KLHL41: variants seen among roughly 807,000 people sequenced by gnomAD.
KLHL41 encodes the protein kelch like family member 41, also known as kelch-like protein 41.
In KLHL41, 31 loss-of-function variants were observed where a neutral mutation model predicts 49.2. The observed-to-expected ratio is 0.63, with a 90% CI of 0.47 to 0.85. KLHL41 has a LOEUF of 0.85. Among genes scored for constraint, KLHL41 ranks in the 40% least tolerant of loss-of-function variants. KLHL41 has a pLI of 0.00. For synonymous variants in KLHL41, 218 were observed against 258.5 expected, an observed-to-expected ratio of 0.84 and a Z score of 1.50; for missense variants, 663 against 726.7, an observed-to-expected ratio of 0.91 and a Z score of 1.01.
At chr2:169,518,878 C>G (rs1200053611) in intron 4 of KLHL41, among the ~76,000 whole-genome samples, 1 of 152,076 alleles carries the variant, frequency 6.6e-6, no homozygotes, top group African/African-American at 2.4e-5. Flanking sequence ...CAGGGTCTCA[C>G]TATGTTGTCC....
intron 5 of KLHL41, among the ~76,000 whole-genome samples, chr2:169,523,652 CAT>C (rs1244588467): frequency 6.6e-6 from 1 of 152,160 alleles, no homozygotes; most frequent in Non-Finnish European, 1.5e-5. Context: ...AGGACCTAGG[CAT>C]CAGTATCTTT....
Position 169,525,915 on chromosome 2 carries a change from A to AGTT in KLHL41, c.*221_*223dup. The AGTT allele has an allele frequency of 2.9e-6, 1 of 347,540 alleles. No homozygotes were observed. Among genetic ancestry groups the AGTT allele is most frequent in the Non-Finnish European group, 5.2e-6 (1 of 194,028 alleles). The allele number at this position is 347,540 out of a possible 1,614,324, so 21.5% of individuals were successfully genotyped here. On this transcript the variant is annotated 3_prime_UTR_variant, in exon 6 of 6. Coordinates refer to ENST00000284669, the MANE Select transcript of KLHL41 (RefSeq NM_006063.3). Reference sequence around the variant, plus strand: ...TTTTCTAATAATAAATTAAATCTTCAGTTGAACAAATTATTTTGTGAATCT... The same window carrying AGTT: ...TTTTCTAATAATAAATTAAATCTTCAGTTGTTGAACAAATTATTTTGTGAATCT...
In KLHL41 at chr2:169,510,452, G is replaced by A. The variant is rs374653463; in HGVS notation, c.674G>A (p.Arg225His). 6 of 1,613,866 alleles carry A rather than the reference G, an allele frequency of 3.7e-6. No homozygotes were observed. Among genetic ancestry groups the A allele is most frequent in the East Asian group, 2.2e-5 (1 of 44,898 alleles). ...LSEVFDCIRF[R>H]LMTEKYFKDH... is the part of the protein sequence containing the mutation. ...GAAGTGTTTGATTGTATCCGTTTTC[G>A]CCTTATGACAGAAAAATATTTTAAG... Residue 225 changes from arginine to histidine, a missense_variant, in exon 1 of 6, where the codon CGC becomes CAC. Arg to His is a conservative substitution (Grantham distance 29). Around this residue, in one of 3 missense-constraint regions of KLHL41, gnomAD observed 528 missense variants for 581.0 expected, o/e 0.91. Transcript: ENST00000284669. The surrounding 1 kb of genome is among the most constrained non-coding windows in gnomAD (Gnocchi z 4.2).
intron 5 of KLHL41, among the ~76,000 whole-genome samples, chr2:169,524,866 C>T (rs1684278016): frequency 6.6e-6 from 1 of 151,954 alleles, no homozygotes; most frequent in South Asian, 2.1e-4. Flanking sequence ...AAAGAGAAAG[C>T]AACAAACTGT....
Position 169,510,896 on chromosome 2 carries a change from G to A in KLHL41, c.1110+8G>A, listed in dbSNP as rs1364687564. 6.2e-7 allele frequency: 1 copy of A among 1,607,730 alleles called. No homozygotes were observed. The highest frequency in any genetic ancestry group is 8.5e-7 in the Non-Finnish European group (1 of 1,176,374). On this transcript the variant is annotated splice_region_variant and intron_variant, in intron 1 of 5. Coordinates refer to ENST00000284669, the MANE Select transcript of KLHL41 (RefSeq NM_006063.3). The surrounding 1 kb of genome is among the most constrained non-coding windows in gnomAD (Gnocchi z 4.2). ...CAGTCATACTTCTTCCAGGTAAGAA[G>A]GACTTTTTGTATATGTAGTTGCTTA...
At chr2:169,524,901 CAG>C (rs1198112731) in intron 5 of KLHL41, among the ~76,000 whole-genome samples, 1 of 152,028 alleles carries the variant, frequency 6.6e-6, no homozygotes, top group Non-Finnish European at 1.5e-5. Context: ...AGAAAGGTTT[CAG>C]AGAGAAGGCG....
At chr2:169,521,307 A>G (rs1644048901) in intron 5 of KLHL41, among the ~76,000 whole-genome samples, 1 of 152,238 alleles carries the variant, frequency 6.6e-6, no homozygotes, top group Non-Finnish European at 1.5e-5. Context: ...ATAATGCTAT[A>G]GGCATCCAGT....
chr2:169,524,485 C>T (rs1684266817), intron 5 of KLHL41, among the ~76,000 whole-genome samples: 1 of 149,122 alleles, frequency 6.7e-6, no homozygotes, highest in South Asian at 2.1e-4. Flanking sequence ...GCAACCTCCG[C>T]CTCCCGGGTT....
At chr2:169,521,454 C>T (rs981111826) in intron 5 of KLHL41, among the ~76,000 whole-genome samples, 2 of 151,800 alleles carry the variant, frequency 1.3e-5, no homozygotes, top group East Asian at 1.9e-4. Context: ...AGTACAATGG[C>T]GGGATCTCAG....
At chr2:169,511,066 T>A (rs779433733) in intron 1 of KLHL41, among the ~76,000 whole-genome samples, 178 bp downstream of exon 1, 1 of 152,216 alleles carries the variant, frequency 6.6e-6, no homozygotes, top group Non-Finnish European at 1.5e-5. Context: ...ACTGCTTTGT[T>A]AATGTGTAAT....
At chr2:169,512,050 T>C (rs1370074376) in intron 1 of KLHL41, among the ~76,000 whole-genome samples, 1 of 152,200 alleles carries the variant, frequency 6.6e-6, no homozygotes, top group Non-Finnish European at 1.5e-5. Flanking sequence ...AGGCCAAAGA[T>C]AAGCAAGTAT....
At chr2:169,517,618 T>C (rs558766981) in intron 3 of KLHL41, among the ~76,000 whole-genome samples, 2 of 152,334 alleles carry the variant, frequency 1.3e-5, no homozygotes, top group South Asian at 4.1e-4. Context: ...AGTCCAGGTC[T>C]TTCTGGTAGC....
In KLHL41 at chr2:169,514,577, G is replaced by A. The variant is rs190032295; in HGVS notation, c.1114G>A (p.Asp372Asn). The A allele has an allele frequency of 5.0e-6, 8 of 1,606,958 alleles. No individual in the cohort carries two copies. Among genetic ancestry groups the A allele is most frequent in the East Asian group, 2.2e-5 (1 of 44,832 alleles). Residue 372 changes from aspartate (D) to asparagine (N), a missense_variant, in exon 2 of 6, where the codon GAT becomes AAT. By Grantham distance (23) the Asp-to-Asn change is conservative. Coordinates refer to ENST00000284669, the MANE Select transcript of KLHL41 (RefSeq NM_006063.3). ...CTCTCATATATGTTTTTTTCAGCTC[G>A]ATAGCATAGCATCTGAATGGGTTGG... ...QPLQSYFFQLDSIASEWVGLP... is the reference protein window; with the variant it reads ...QPLQSYFFQLNSIASEWVGLP...
rs1684148084 is a variant in KLHL41 at position 169,518,309 on chromosome 2, T to C, written c.1496T>C (p.Ile499Thr). The change falls in exon 4 of 6, where the codon ATT becomes ACT. Residue 499 changes from isoleucine (I) to threonine (T), a missense_variant. Ile to Thr is a moderately conservative substitution (Grantham distance 89). This residue lies in a region of KLHL41 where 528 missense variants were observed against 581.0 expected (regional missense o/e 0.91). Coordinates refer to ENST00000284669, the MANE Select transcript of KLHL41 (RefSeq NM_006063.3). ...GCAGTCCATAAAGGCAAAATTGTGA[T>C]TGCAGGAGGTGTCACTGAAGATGGT... ...GVAVHKGKIV[I>T]AGGVTEDGLS... 13 of 1,613,964 alleles carry C rather than the reference T, an allele frequency of 8.1e-6. No individual in the cohort carries two copies. Among genetic ancestry groups the C allele is most frequent in the South Asian group, 3.3e-5 (3 of 91,058 alleles).
At chr2:169,518,772 T>C (rs1465948761) in intron 4 of KLHL41, among the ~76,000 whole-genome samples, 1 of 152,216 alleles carries the variant, frequency 6.6e-6, no homozygotes, top group Non-Finnish European at 1.5e-5. Context: ...CTCAAACTCC[T>C]GGGCTCAGGT....
chr2:169,526,038 TACAA>T lies in KLHL41; in HGVS notation c.*343_*346del. 1.2e-5 allele frequency: 2 copies of T among 165,100 alleles called. No homozygotes were observed. Among genetic ancestry groups the T allele is most frequent in the South Asian group, 1.9e-4 (1 of 5,182 alleles). The allele number at this position is 165,100 out of a possible 1,614,324, so 10.2% of individuals were successfully genotyped here. A position where few individuals can be genotyped will look rare whatever the true frequency, so the allele number is the denominator to read the frequency against. ...GGGTATCCTTAAACTGATTTTCTAT[TACAA>T]TTGGAAGTGGAGAATATGTGCATCT... is the stretch of plus-strand genomic sequence containing the variant. On this transcript the variant is annotated 3_prime_UTR_variant, in exon 6 of 6. Coordinates refer to ENST00000284669, the MANE Select transcript of KLHL41 (RefSeq NM_006063.3).
chr2:169,515,279 C>T (rs1272682423), intron 3 of KLHL41, among the ~76,000 whole-genome samples: 7 of 152,008 alleles, frequency 4.6e-5, no homozygotes, highest in African/African-American at 9.7e-5. Flanking sequence ...GTGATCTGCC[C>T]GCTTCAGCCT....
chr2:169,510,773 AG>A lies in KLHL41; in HGVS notation c.996del (p.Ile333PhefsTer18), dbSNP rs762461008. On this transcript the variant is annotated frameshift_variant, in exon 1 of 6. Coordinates refer to ENST00000284669, the MANE Select transcript of KLHL41 (RefSeq NM_006063.3). LOFTEE classifies it high-confidence loss of function. The surrounding 1 kb of genome is among the most constrained non-coding windows in gnomAD (Gnocchi z 4.2). ...NECYLTALAE[Q>X]IPRNHSSIVT... ...TGCTACCTTACTGCACTGGCTGAGCAGATTCCCAGAAATCATTCCAGCATTG... is the reference window on the plus strand; with the variant it reads ...TGCTACCTTACTGCACTGGCTGAGCAATTCCCAGAAATCATTCCAGCATTG... The A allele has an allele frequency of 6.2e-7, 1 of 1,614,218 alleles. No individual in the cohort carries two copies. The highest frequency in any genetic ancestry group is 2.2e-5 in the East Asian group (1 of 44,880).
chr2:169,513,835 T>C (rs1684067211), intron 1 of KLHL41, among the ~76,000 whole-genome samples: 1 of 152,122 alleles, frequency 6.6e-6, no homozygotes, highest in African/African-American at 2.4e-5. Flanking sequence ...GATGCCACCA[T>C]CATCTACCCC....
Sources: allele counts gnomAD v4.1 joint callset (sites outside exome capture counted in the v4.1 genomes callset), GRCh38; gene constraint gnomAD v4.1.1; regional missense constraint gnomAD v4.1.1; non-coding constraint Gnocchi (gnomAD v3.1); transcripts MANE v1.5; gene names NCBI Gene and HGNC (gene_info 2026-07-23, HGNC 2026-07-21).